Variants in ITGBL1 observed in about 807,000 individuals in gnomAD.
ITGBL1 encodes integrin beta-like protein 1.
ITGBL1 carries 51 observed loss-of-function variants against 68.5 expected under a neutral mutation model. That is an observed-to-expected ratio of 0.74 (90% confidence interval 0.59 to 0.94). The LOEUF is 0.94. Ranked by LOEUF, ITGBL1 falls within the 40% of genes least tolerant of loss-of-function variation. The pLI is 0.00. For synonymous variants in ITGBL1, 209 were observed against 227.3 expected, an observed-to-expected ratio of 0.92 and a Z score of 0.72; for missense variants, 649 against 647.4, an observed-to-expected ratio of 1.00 and a Z score of -0.03.
chr13:101,606,007 T>TATATGTATATATGTGTATATATACACAG (rs2030821925), intron 7 of ITGBL1, among the ~76,000 whole-genome samples: 2 of 146,060 alleles, frequency 1.4e-5, no homozygotes, highest in African/African-American at 5.0e-5. Context: ...TATATACACA[T>TATATGTATATATGTGTATATATACACAG]ATATATGTAT....
chr13:101,551,238 G>C (rs1366546777), intron 2 of ITGBL1, among the ~76,000 whole-genome samples: 1 of 152,186 alleles, frequency 6.6e-6, no homozygotes, highest in Non-Finnish European at 1.5e-5. Context: ...AATGTCAGTA[G>C]GATGGTGGGA....
intron 2 of ITGBL1, among the ~76,000 whole-genome samples, chr13:101,544,423 C>T (rs1479385321): frequency 6.6e-6 from 1 of 152,140 alleles, no homozygotes; most frequent in South Asian, 2.1e-4. Flanking sequence ...AGTTTTGTCT[C>T]AGAGGAGTAC....
intron 7 of ITGBL1, among the ~76,000 whole-genome samples, chr13:101,613,940 C>A (rs1279961874): frequency 1.3e-5 from 2 of 151,806 alleles, no homozygotes; most frequent in Non-Finnish European, 2.9e-5. Context: ...TCCCACTGAG[C>A]AAACAGGGCT....
chr13:101,624,367 A>G (rs1436260), intron 7 of ITGBL1, among the ~76,000 whole-genome samples: 104,023 of 152,004 alleles, frequency 0.68, 35,979 homozygotes, highest in Middle Eastern at 0.8. Context: ...TTATGCCCCA[A>G]TAACTACACT....
chr13:101,512,129 A>G (rs1334681378), intron 2 of ITGBL1, among the ~76,000 whole-genome samples: 8 of 151,866 alleles, frequency 5.3e-5, no homozygotes, highest in Non-Finnish European at 1.0e-4. Flanking sequence ...TTCTATCCTC[A>G]TTTAAGTCAT....
At chr13:101,570,809 T>C (rs2050260037) in intron 3 of ITGBL1, among the ~76,000 whole-genome samples, 1 of 152,214 alleles carries the variant, frequency 6.6e-6, no homozygotes, top group South Asian at 2.1e-4. Context: ...TTAAGTTCTG[T>C]TCTTCTTTAA....
At chr13:101,592,427 T>A (rs988874767) in intron 6 of ITGBL1, among the ~76,000 whole-genome samples, 4 of 152,090 alleles carry the variant, frequency 2.6e-5, no homozygotes, top group African/African-American at 7.2e-5. Flanking sequence ...TCAAAAATAA[T>A]ATACTTAGGA....
chr13:101,702,739 T>G (rs1385718541), intron 8 of ITGBL1, among the ~76,000 whole-genome samples: 1 of 152,208 alleles, frequency 6.6e-6, no homozygotes, highest in Admixed American at 6.5e-5. Flanking sequence ...GAGCTGGTAC[T>G]AGAAGCTCTC....
intron 6 of ITGBL1, among the ~76,000 whole-genome samples, chr13:101,593,826 G>A (rs536522266): frequency 1.9e-3 from 288 of 152,162 alleles, no homozygotes; most frequent in African/African-American, 6.6e-3. Context: ...GCAGGAATAA[G>A]TTCAACTTCT....
At chr13:101,504,436 G>T (rs185178831) in intron 2 of ITGBL1, among the ~76,000 whole-genome samples, 1 of 152,234 alleles carries the variant, frequency 6.6e-6, no homozygotes, top group East Asian at 1.9e-4. Context: ...TAATAAGAGT[G>T]CATCATAACC....
intron 2 of ITGBL1, among the ~76,000 whole-genome samples, chr13:101,563,177 T>C (rs1310964222): frequency 6.6e-6 from 1 of 151,108 alleles, no homozygotes; most frequent in Non-Finnish European, 1.5e-5. Context: ...ATTTACAGAA[T>C]TAAATGTTTA....
rs527656836 is a variant in ITGBL1 at position 101,629,913 on chromosome 13, C to T, written c.1015+31614C>T. ...CCTCGGCTCACTGCAACCTCTGCAT[C>T]CAAGGTTCAAGCAATTCTCCTGCCT... On this transcript the variant is annotated intron_variant, in intron 7 of 10. Transcript: ENST00000376180. Among the ~76,000 whole-genome samples the T allele has an allele frequency of 7.2e-5, 11 of 152,236 alleles. No individual in the cohort carries two copies. In the South Asian group the frequency reaches 2.3e-3, roughly 32 times the overall value.
rs558611597 is a variant in ITGBL1 at position 101,583,034 on chromosome 13, G to C, written c.728-182G>C. Among the ~76,000 whole-genome samples the C allele has an allele frequency of 2.0e-5, 3 of 152,062 alleles. No homozygotes were observed. In the South Asian group the frequency reaches 6.2e-4, roughly 32 times the overall value. On this transcript the variant is annotated intron_variant, in intron 5 of 10. Coordinates refer to ENST00000376180, the MANE Select transcript of ITGBL1 (RefSeq NM_004791.3). ...AATTATAGAATAGATAATAACTTTT[G>C]TTTATTAAGGAATCTCTATTATCAA...
intron 7 of ITGBL1, among the ~76,000 whole-genome samples, chr13:101,671,455 T>TTTTTTTTTTG: frequency 1.4e-5 from 2 of 138,838 alleles, no homozygotes; most frequent in African/African-American, 5.2e-5. Context: ...TTGTTTTTTT[T>TTTTTTTTTTG]TGAGACGGAG....
At chr13:101,690,702 A>C (rs1471336313) in intron 7 of ITGBL1, among the ~76,000 whole-genome samples, 2 of 152,170 alleles carry the variant, frequency 1.3e-5, no homozygotes, top group African/African-American at 4.8e-5. Context: ...CACTACTAAT[A>C]GATAGAGAGC....
At chr13:101,540,627 C>G (rs2049679092) in intron 2 of ITGBL1, among the ~76,000 whole-genome samples, 1 of 152,100 alleles carries the variant, frequency 6.6e-6, no homozygotes, top group Non-Finnish European at 1.5e-5. Context: ...GCAATTGAAC[C>G]TATAAATTAC....
At chr13:101,690,850 G>A (rs939600594) in intron 7 of ITGBL1, among the ~76,000 whole-genome samples, 1 of 152,178 alleles carries the variant, frequency 6.6e-6, no homozygotes, top group African/African-American at 2.4e-5. Flanking sequence ...ATAGATCTGT[G>A]TTCTGCCAAT....
At chr13:101,551,949 C>T (rs750412796) in intron 2 of ITGBL1, among the ~76,000 whole-genome samples, 2 of 152,030 alleles carry the variant, frequency 1.3e-5, no homozygotes, top group Non-Finnish European at 2.9e-5. Flanking sequence ...GGAGGGCAGC[C>T]TTGATGGGGG....
downstream of ITGBL1, chr13:101,720,142 C>CTCTT (rs2034877914): frequency 6.6e-6 from 1 of 151,922 alleles, no homozygotes; most frequent in Non-Finnish European, 1.5e-5. Flanking sequence ...GACAGACAAA[C>CTCTT]TCTTTGTATG....
Sources: allele counts gnomAD v4.1 joint callset (sites outside exome capture counted in the v4.1 genomes callset), GRCh38; gene constraint gnomAD v4.1.1; transcripts MANE v1.5; gene names NCBI Gene and HGNC (gene_info 2026-07-23, HGNC 2026-07-21).